Variants in RIC8B observed in about 807,000 individuals in gnomAD.
RIC8B encodes the protein chaperone Ric-8B.
Under a neutral mutation model 57.5 loss-of-function variants are expected in RIC8B, and 16 were observed. The observed-to-expected ratio is 0.28, with a 90% CI of 0.19 to 0.42. The LOEUF is 0.42. Among genes scored for constraint, RIC8B ranks in the 10% least tolerant of loss-of-function variants. The pLI is 1.00. For synonymous variants in RIC8B, 216 were observed against 250.8 expected, an observed-to-expected ratio of 0.86 and a Z score of 1.31; for missense variants, 481 against 677.0, an observed-to-expected ratio of 0.71 and a Z score of 3.21.
chr12:106,836,227 A>T (rs2046592938), intron 4 of RIC8B, among the ~76,000 whole-genome samples: 2 of 152,212 alleles, frequency 1.3e-5, no homozygotes, highest in Admixed American at 6.5e-5. Flanking sequence ...TGAATGATTG[A>T]TCGAGTGCTC....
chr12:106,871,772 C>T (rs1449562224), intron 9 of RIC8B, among the ~76,000 whole-genome samples: 1 of 152,102 alleles, frequency 6.6e-6, no homozygotes, highest in Non-Finnish European at 1.5e-5. Flanking sequence ...CCCTTTTTCA[C>T]AGTAACTGTG....
chr12:106,843,185 CA>C (rs1259216190), intron 5 of RIC8B, among the ~76,000 whole-genome samples: 20 of 151,328 alleles, frequency 1.3e-4, no homozygotes, highest in Admixed American at 1.3e-3. Flanking sequence ...GACATCTTCC[CA>C]AAAAAAAGAA....
At chr12:106,801,126 G>A (rs963838113) in intron 2 of RIC8B, among the ~76,000 whole-genome samples, 78 of 152,324 alleles carry the variant, frequency 5.1e-4, no homozygotes, top group African/African-American at 1.7e-3. Context: ...CTGAAAAATA[G>A]GCTTAAGTAG....
rs139745483 is a variant in RIC8B at position 106,785,439 on chromosome 12, T to A, written c.132+1395T>A. On this transcript the variant is annotated intron_variant, in intron 2 of 9. Transcript: ENST00000392837. The stretch of plus-strand genomic sequence containing the variant: ...ATTCTCATAATACTCTATATAAATC[T>A]CTAAATTAATATTTATGCCTTGTTT... 4.0e-3 allele frequency among the ~76,000 whole-genome samples: 613 copies of A among 152,290 alleles called. 19 individuals carry two copies. The highest frequency in any genetic ancestry group is 0.037 in the Admixed American group (560 of 15,294).
intron 3 of RIC8B, chr12:106,822,110 A>G (rs1465265972): frequency 2.6e-5 from 4 of 151,700 alleles, no homozygotes; most frequent in Non-Finnish European, 2.9e-5. Context: ...AAGAAGAAAA[A>G]AAAAGAAAAG....
chr12:106,877,819 AT>A (rs923610056), intron 9 of RIC8B, among the ~76,000 whole-genome samples: 4 of 151,934 alleles, frequency 2.6e-5, no homozygotes, highest in African/African-American at 9.7e-5. Context: ...TGTTTTTGCA[AT>A]TTTTTTTAAG....
intron 4 of RIC8B, among the ~76,000 whole-genome samples, chr12:106,838,856 A>C (rs1183771991): frequency 6.6e-6 from 1 of 152,092 alleles, no homozygotes; most frequent in South Asian, 2.1e-4. Context: ...TAAAATGGGC[A>C]AAGAACCTGA....
At chr12:106,858,167 C>CT (rs535733051) in intron 7 of RIC8B, among the ~76,000 whole-genome samples, 7 of 152,060 alleles carry the variant, frequency 4.6e-5, no homozygotes, top group Non-Finnish European at 8.8e-5. Context: ...TTTTTAAACT[C>CT]TTTTAATTTT....
chr12:106,841,367 A>G (rs532908456), intron 4 of RIC8B, among the ~76,000 whole-genome samples: 135 of 152,242 alleles, frequency 8.9e-4, no homozygotes, highest in Non-Finnish European at 1.7e-3. Flanking sequence ...TTATTTTTCC[A>G]TAATATAAAA....
intron 9 of RIC8B, among the ~76,000 whole-genome samples, chr12:106,883,357 A>G (rs1306731505): frequency 6.6e-6 from 1 of 152,216 alleles, no homozygotes; most frequent in Non-Finnish European, 1.5e-5. Flanking sequence ...TTTAAAATAT[A>G]GGTATGTAAT....
Position 106,834,797 on chromosome 12 carries a change from C to T in RIC8B, c.837-7792C>T, listed in dbSNP as rs181537304. ...AAGAGATCGAGACCATCCTGGCTAA[C>T]ACGGTGAAACCCCGTCTCTATTAAA... On this transcript the variant is annotated intron_variant, in intron 4 of 9. Transcript: ENST00000392837. Among the ~76,000 whole-genome samples, 6 of 151,912 alleles carry T rather than the reference C, an allele frequency of 3.9e-5. No individual in the cohort carries two copies. In the East Asian group the frequency reaches 1.2e-3, roughly 29 times the overall value.
At chr12:106,818,811 G>A (rs2045706039) in intron 3 of RIC8B, among the ~76,000 whole-genome samples, 1 of 152,108 alleles carries the variant, frequency 6.6e-6, no homozygotes, top group African/African-American at 2.4e-5. Context: ...TTGTTGCCCA[G>A]GCTGGAGTGC....
chr12:106,802,561 T>TTTTA (rs2044782282), intron 2 of RIC8B, among the ~76,000 whole-genome samples: 1 of 128,686 alleles, frequency 7.8e-6, no homozygotes, highest in African/African-American at 2.9e-5. Context: ...TTTTTTTTTT[T>TTTTA]AAGTAGAACC....
At chr12:106,782,560 A>G (rs1172309221) in intron 1 of RIC8B, among the ~76,000 whole-genome samples, 2 of 152,086 alleles carry the variant, frequency 1.3e-5, no homozygotes, top group African/African-American at 2.4e-5. Context: ...CCTGTCACCT[A>G]TTTGCCAATT....
intron 4 of RIC8B, among the ~76,000 whole-genome samples, chr12:106,838,148 A>C (rs73200069): frequency 0.067 from 10,185 of 152,252 alleles, 541 homozygotes; most frequent in African/African-American, 0.14. Context: ...TATTGACCAA[A>C]AGAACAAAAG....
intron 8 of RIC8B, among the ~76,000 whole-genome samples, chr12:106,863,348 CT>C (rs938772199): frequency 2.0e-5 from 3 of 152,074 alleles, no homozygotes; most frequent in Non-Finnish European, 4.4e-5. Flanking sequence ...GATCGAAAAG[CT>C]TAAAACCATT....
In RIC8B at chr12:106,879,724, G is replaced by A. The variant is rs955408399; in HGVS notation, c.1572-6180G>A. On this transcript the variant is annotated intron_variant, in intron 9 of 9. Transcript: ENST00000392837. The surrounding 1 kb of genome is among the most constrained non-coding windows in gnomAD (Gnocchi z 4.9). ...GCCTGGCCAAGCCCTTGTAGATTAT[G>A]GTTCCTTATCGTTTAGTAAGATCAA... 7.1e-6 allele frequency: 7 copies of A among 985,256 alleles called. No homozygotes were observed. The African/African-American group carries it at 1.2e-4, about 17-fold the overall frequency. The allele number at this position is 985,256 out of a possible 1,614,324, so 61.0% of individuals were successfully genotyped here.
chr12:106,878,627 TTCC>T (rs1416801775), intron 9 of RIC8B, among the ~76,000 whole-genome samples: 1 of 152,206 alleles, frequency 6.6e-6, no homozygotes, highest in Non-Finnish European at 1.5e-5. Context: ...GGATTCTTTT[TTCC>T]AAGTCAACCT....
rs148139437 is a variant in RIC8B, at chr12:106,882,340, G to A, written c.1572-3564G>A. Among the ~76,000 whole-genome samples, 529 of 152,272 alleles carry A rather than the reference G, an allele frequency of 3.5e-3. 2 individuals carry two copies. Among genetic ancestry groups the A allele is most frequent in the African/African-American group, 0.012 (512 of 41,552 alleles). On this transcript the variant is annotated intron_variant, in intron 9 of 9. Coordinates refer to ENST00000392837, the MANE Select transcript of RIC8B (RefSeq NM_001330145.2). ...GGAAATTGGAATTCAGTGAGTTCAT[G>A]TTCTTACAGCTAGTGACTGGTCGAT...
Sources: allele counts gnomAD v4.1 joint callset (sites outside exome capture counted in the v4.1 genomes callset), GRCh38; gene constraint gnomAD v4.1.1; non-coding constraint Gnocchi (gnomAD v3.1); transcripts MANE v1.5; gene names NCBI Gene and HGNC (gene_info 2026-07-23, HGNC 2026-07-21).